Variants in DEPDC1B observed in about 807,000 individuals in gnomAD.
DEPDC1B encodes DEP domain-containing protein 1B.
Under a neutral mutation model 66.5 loss-of-function variants are expected in DEPDC1B, and 51 were observed. The observed-to-expected ratio is 0.77, with a 90% confidence interval of 0.61 to 0.97. DEPDC1B has a LOEUF of 0.97. Among genes scored for constraint, DEPDC1B ranks in the 50% least tolerant of loss-of-function variants. The pLI, the probability that DEPDC1B is intolerant of heterozygous loss-of-function variation, is 0.00. For synonymous variants in DEPDC1B, 226 were observed against 223.6 expected, an observed-to-expected ratio of 1.01 and a Z score of -0.10; for missense variants, 552 against 637.1, an observed-to-expected ratio of 0.87 and a Z score of 1.44.
intron 1 of DEPDC1B, among the ~76,000 whole-genome samples, chr5:60,699,648 G>T (rs1754738351): frequency 6.6e-6 from 1 of 152,132 alleles, no homozygotes; most frequent in African/African-American, 2.4e-5. Flanking sequence ...TCAGGAAGGA[G>T]ACACGCCCTG....
intron 7 of DEPDC1B, among the ~76,000 whole-genome samples, chr5:60,614,473 C>T (rs952225727): frequency 2.6e-5 from 4 of 152,098 alleles, no homozygotes; most frequent in South Asian, 2.1e-4. Flanking sequence ...CAAGCATGTG[C>T]CCCAACACCC....
chr5:60,642,376 G>A (rs1561371415), intron 6 of DEPDC1B, among the ~76,000 whole-genome samples: 3 of 152,180 alleles, frequency 2.0e-5, no homozygotes, highest in African/African-American at 7.2e-5. Context: ...CCTTCACAGT[G>A]CCTATGATAT....
chr5:60,619,974 G>A (rs1259137448), intron 7 of DEPDC1B, among the ~76,000 whole-genome samples: 1 of 152,124 alleles, frequency 6.6e-6, no homozygotes, highest in African/African-American at 2.4e-5. Flanking sequence ...AGAGCCCTCA[G>A]AAATAATGCC....
At chr5:60,672,954 G>C (rs941895621) in intron 2 of DEPDC1B, among the ~76,000 whole-genome samples, 1 of 152,110 alleles carries the variant, frequency 6.6e-6, no homozygotes, top group East Asian at 1.9e-4. Context: ...GTAAGAAAGG[G>C]AACTCACTGA....
chr5:60,653,846 A>G (rs188353307), intron 2 of DEPDC1B, among the ~76,000 whole-genome samples: 1 of 146,026 alleles, frequency 6.8e-6, no homozygotes, highest in East Asian at 2.1e-4. Context: ...TCCCAGCACC[A>G]TTTGTTGAAT....
At chr5:60,672,514 T>C (rs1754064727) in intron 2 of DEPDC1B, among the ~76,000 whole-genome samples, 1 of 152,132 alleles carries the variant, frequency 6.6e-6, no homozygotes, top group Non-Finnish European at 1.5e-5. Context: ...GATAACTCAC[T>C]ATCACAAGAA....
rs770270774 is a variant in DEPDC1B, at chr5:60,677,295, G to GACACAC, written c.314+9661_314+9666dup. Among the ~76,000 whole-genome samples, 1,056 of 113,670 alleles carry GACACAC rather than the reference G, an allele frequency of 9.3e-3. 14 individuals are homozygous for GACACAC. Among genetic ancestry groups the GACACAC allele is most frequent in the East Asian group, 0.04 (143 of 3,568 alleles). 74.6% of individuals were successfully genotyped at this position (113,670 alleles called of 152,430 possible). A position where few individuals can be genotyped will look rare whatever the true frequency, so the allele number is the denominator to read the frequency against. ...TAAGTAGCAGAATCTTTTTCATACA[G>GACACAC]ACACACACACACACACACACACACA... On this transcript the variant is annotated intron_variant, in intron 2 of 10. Coordinates refer to ENST00000265036, the MANE Select transcript of DEPDC1B (RefSeq NM_018369.3).
rs1754751339 is a variant in DEPDC1B at position 60,700,040 on chromosome 5, A to AG, written c.48+5_48+6insC. On this transcript the variant is annotated splice_donor_region_variant and intron_variant, in intron 1 of 10. Coordinates refer to ENST00000265036, the MANE Select transcript of DEPDC1B (RefSeq NM_018369.3). The stretch of plus-strand genomic sequence containing the variant: ...GCTCCGCCCAGGCCCCAGCACACTC[A>AG]CTCACCAGCCTGGTAGCTCGGTACG... The AG allele has an allele frequency of 6.4e-7, 1 of 1,554,888 alleles. No individual in the cohort carries two copies. The highest frequency in any genetic ancestry group is 1.4e-5 in the African/African-American group (1 of 73,172).
intron 1 of DEPDC1B, 38 bp from the exon 2 acceptor site, chr5:60,687,265 T>G: frequency 6.4e-7 from 1 of 1,565,066 alleles, no homozygotes; most frequent in Non-Finnish European, 8.7e-7. Flanking sequence ...AGTAATCAAC[T>G]GATTTTTTTA....
Position 60,653,392 on chromosome 5 carries a change from A to C in DEPDC1B, c.315-5859T>G, listed in dbSNP as rs770024821. The stretch of plus-strand genomic sequence containing the variant: ...TTTCATGTGTTTGTGGGCCATTCGC[A>C]TATCTTTTTTTGAGAATTGTCTACT... On this transcript the variant is annotated intron_variant, in intron 2 of 10. Coordinates refer to ENST00000265036, the MANE Select transcript of DEPDC1B (RefSeq NM_018369.3). 3.0e-4 allele frequency among the ~76,000 whole-genome samples: 39 copies of C among 131,782 alleles called. No homozygotes were observed. In the Middle Eastern group the frequency reaches 0.021, roughly 70 times the overall value. 86.5% of individuals were successfully genotyped at this position (131,782 alleles called of 152,430 possible). A position where few individuals can be genotyped will look rare whatever the true frequency, so the allele number is the denominator to read the frequency against.
intron 1 of DEPDC1B, among the ~76,000 whole-genome samples, chr5:60,695,025 C>G (rs984543692): frequency 2.6e-5 from 4 of 152,020 alleles, no homozygotes; most frequent in African/African-American, 9.7e-5. Flanking sequence ...GCTTCCCTAT[C>G]CTGAGGTATT....
At chr5:60,682,499 A>C (rs34915115) in intron 2 of DEPDC1B, among the ~76,000 whole-genome samples, 14,216 of 152,300 alleles carry the variant, frequency 0.093, 1,246 homozygotes, top group African/African-American at 0.22. Flanking sequence ...CATGCACCCT[A>C]AAACTTAAAG....
intron 7 of DEPDC1B, among the ~76,000 whole-genome samples, chr5:60,619,883 C>G (rs1177353054): frequency 6.6e-6 from 1 of 152,218 alleles, no homozygotes; most frequent in Non-Finnish European, 1.5e-5. Context: ...TACCTGACTT[C>G]AAACTATACT....
At chr5:60,675,983 A>C (rs1195705653) in intron 2 of DEPDC1B, among the ~76,000 whole-genome samples, 1 of 149,422 alleles carries the variant, frequency 6.7e-6, no homozygotes, top group East Asian at 1.9e-4. Flanking sequence ...CCTGGAATGC[A>C]CTGGCACAAT....
chr5:60,690,802 CA>C (rs2112042008), intron 1 of DEPDC1B, among the ~76,000 whole-genome samples: 1 of 150,332 alleles, frequency 6.7e-6, no homozygotes, highest in East Asian at 2.1e-4. Context: ...CCCTTCTAAT[CA>C]TGACTTTTCT....
intron 2 of DEPDC1B, among the ~76,000 whole-genome samples, chr5:60,668,226 G>A (rs1753943242): frequency 8.3e-5 from 4 of 48,074 alleles, no homozygotes; most frequent in Admixed American, 2.6e-4. Flanking sequence ...TATATAAAAT[G>A]GATATTTTAT....
chr5:60,608,177 T>C (rs1752348661), intron 7 of DEPDC1B, among the ~76,000 whole-genome samples: 1 of 152,134 alleles, frequency 6.6e-6, no homozygotes, highest in Non-Finnish European at 1.5e-5. Context: ...CTAGTTAAAT[T>C]CTCTTTCTCC....
intron 2 of DEPDC1B, among the ~76,000 whole-genome samples, chr5:60,660,230 GAGAC>G (rs1043097526): frequency 2.5e-4 from 37 of 149,444 alleles, no homozygotes; most frequent in Admixed American, 6.7e-4. Flanking sequence ...AGGAGAGAGA[GAGAC>G]AGACAGAGAG....
intron 7 of DEPDC1B, chr5:60,628,104 G>A (rs143124660): frequency 6.6e-6 from 1 of 152,324 alleles, no homozygotes; most frequent in African/African-American, 2.4e-5. Context: ...AGTGGAATAA[G>A]TGAATAAATA....
Sources: gnomAD v4.1 joint callset for allele counts (sites outside exome capture counted in the v4.1 genomes callset) on GRCh38, gnomAD v4.1.1 for gene constraint, MANE v1.5 for transcripts, NCBI Gene and HGNC (gene_info 2026-07-23, HGNC 2026-07-21) for gene names.